FAM220A: variants seen among roughly 807,000 people sequenced by gnomAD.
The protein encoded by FAM220A is family with sequence similarity 220 member A.
For missense variants in FAM220A, 392 were observed against 321.6 expected (o/e 1.22, Z -1.68); for synonymous variants, 141 against 130.7 (o/e 1.08, Z -0.54).
rs755008777 is a variant in FAM220A at position 6,330,350 on chromosome 7, C to G, written c.*25G>C. On this transcript the variant is annotated 3_prime_UTR_variant, in exon 2 of 2. Coordinates refer to ENST00000313324, the MANE Select transcript of FAM220A (RefSeq NM_001037163.2). Reference sequence around the variant, plus strand: ...TTCTAAGACAACTCTTAAAATTAATCTATTGGTATTGTTCTGCTTGTACCT... The same window carrying G: ...TTCTAAGACAACTCTTAAAATTAATGTATTGGTATTGTTCTGCTTGTACCT... The G allele has an allele frequency of 2.5e-6, 4 of 1,575,686 alleles. No homozygotes were observed. In the South Asian group the frequency reaches 4.7e-5, roughly 19 times the overall value.
chr7:6,344,886 C>T (rs1004426750), intron 1 of FAM220A, among the ~76,000 whole-genome samples: 29 of 152,102 alleles, frequency 1.9e-4, no homozygotes, highest in African/African-American at 5.5e-4. Context: ...GGATGACAGG[C>T]GCATGCCGCC....
chr7:6,336,523 A>G (rs1781750210), intron 1 of FAM220A, among the ~76,000 whole-genome samples: 1 of 152,032 alleles, frequency 6.6e-6, no homozygotes, highest in South Asian at 2.1e-4. Context: ...TCTACTAAAA[A>G]TACAAAAATT....
intron 1 of FAM220A, among the ~76,000 whole-genome samples, chr7:6,340,831 G>A (rs1372191055): frequency 2.7e-5 from 4 of 148,858 alleles, no homozygotes; most frequent in African/African-American, 5.0e-5. Context: ...CCCGGGAGGC[G>A]GAGCTGGCAG....
intron 1 of FAM220A, among the ~76,000 whole-genome samples, chr7:6,343,047 AAG>A (rs55879790): frequency 0.27 from 38,817 of 146,224 alleles, 5,078 homozygotes; most frequent in East Asian, 0.31. Flanking sequence ...AAAAAAAAAA[AAG>A]AAAAAAGAAA....
Position 6,340,965 on chromosome 7 carries a change from TA to T in FAM220A, c.-82+7607del, listed in dbSNP as rs149288000. 1.3e-3 allele frequency among the ~76,000 whole-genome samples: 118 copies of T among 87,426 alleles called. No homozygotes were observed. In the Middle Eastern group the frequency reaches 0.026, roughly 19 times the overall value. 57.4% of individuals were successfully genotyped at this position (87,426 alleles called of 152,430 possible). On this transcript the variant is annotated intron_variant, in intron 1 of 1. Coordinates refer to ENST00000313324, the MANE Select transcript of FAM220A (RefSeq NM_001037163.2). ...TAACATGGTGAAACCCTGTCTCTAC[TA>T]AAAAAAAAAAAAAAAAAAATTCAAA...
intron 1 of FAM220A, among the ~76,000 whole-genome samples, chr7:6,335,410 G>A (rs1781725527): frequency 6.6e-6 from 1 of 151,574 alleles, no homozygotes; most frequent in Non-Finnish European, 1.5e-5. Context: ...TGTATTTTTA[G>A]TAGAGATGGT....
intron 1 of FAM220A, among the ~76,000 whole-genome samples, chr7:6,340,682 G>A (rs1015420176): frequency 2.0e-5 from 3 of 151,878 alleles, no homozygotes; most frequent in Non-Finnish European, 2.9e-5. Context: ...GGCGGATCAC[G>A]AGGTCAGGAG....
At chr7:6,334,769 A>ATAGT (rs759972291) in intron 1 of FAM220A, among the ~76,000 whole-genome samples, 2 of 146,744 alleles carry the variant, frequency 1.4e-5, no homozygotes, top group Non-Finnish European at 1.5e-5. Context: ...CCCAGCCTGG[A>ATAGT]TAGTTAGTTA....
intron 1 of FAM220A, 50 bp from the exon 2 acceptor site, chr7:6,331,285 T>C (rs1301809425): frequency 1.2e-6 from 1 of 808,012 alleles, no homozygotes; most frequent in African/African-American, 1.8e-5. Context: ...ACATGGGTCT[T>C]AAGAGCATCT....
chr7:6,333,677 T>C (rs79422521), intron 1 of FAM220A, among the ~76,000 whole-genome samples: 5,237 of 151,470 alleles, frequency 0.035, 313 homozygotes, highest in African/African-American at 0.12. Context: ...TTTTTTTTTT[T>C]CAGAGCAGGA....
rs759405736 is a variant in FAM220A, at chr7:6,330,487, T to A, written c.668A>T (p.Gln223Leu). ...AAGCATTTTCTTGAATTCTATTGTTTGCTTTGAAAACATGGGCTTTAAACG... is the reference window on the plus strand; with the variant it reads ...AAGCATTTTCTTGAATTCTATTGTTAGCTTTGAAAACATGGGCTTTAAACG... ...LDRLKPMFSK[Q>L]TIEFKKMLKS... is the part of the protein sequence containing the mutation. Residue 223 changes from glutamine to leucine, a missense_variant, in exon 2 of 2, where the codon CAA (glutamine) becomes CTA (leucine). Gln to Leu is a moderately radical substitution (Grantham distance 113). Transcript: ENST00000313324. 10 of 1,614,214 alleles carry A rather than the reference T, an allele frequency of 6.2e-6. No homozygotes were observed. Among genetic ancestry groups the A allele is most frequent in the Non-Finnish European group, 8.5e-6 (10 of 1,180,042 alleles).
rs1420423683 is a variant in FAM220A, at chr7:6,348,882, G to GGGCC, written c.-395_-392dup. 1.2e-4 allele frequency: 48 copies of GGGCC among 387,418 alleles called. 1 individual carries two copies. The South Asian group carries it at 2.0e-3, about 16-fold the overall frequency. The allele number at this position is 387,418 out of a possible 1,614,324, so 24.0% of individuals were successfully genotyped here. A position where few individuals can be genotyped will look rare whatever the true frequency, so the allele number is the denominator to read the frequency against. On this transcript the variant is annotated 5_prime_UTR_variant, in exon 1 of 2. Coordinates refer to ENST00000313324, the MANE Select transcript of FAM220A (RefSeq NM_001037163.2). ...GCGGCGGCTAGACCGGCGGGCGGGC[G>GGGCC]GGCCGCAGTGGAGCGGAGTCCGCAC...
At chr7:6,347,904 A>ATTATTG in intron 1 of FAM220A, among the ~76,000 whole-genome samples, 1 of 145,812 alleles carries the variant, frequency 6.9e-6, no homozygotes, top group African/African-American at 2.5e-5. Context: ...TATTATTATT[A>ATTATTG]TTATTATTAT....
At position 6,340,586 on chromosome 7, in the gene FAM220A, G is replaced by A. The variant is rs1011822513; in HGVS notation, c.-82+7987C>T. Among the ~76,000 whole-genome samples, 7 of 152,168 alleles carry A rather than the reference G, an allele frequency of 4.6e-5. No homozygotes were observed. In the South Asian group the frequency reaches 1.0e-3, roughly 23 times the overall value. On this transcript the variant is annotated intron_variant, in intron 1 of 1. Transcript: ENST00000313324. ...GGAATTCAGGATAACAGACTCGAAG[G>A]AGGGCAGGTTGACAATGACTTAAAA...
At chr7:6,348,082 G>A (rs1781990512) in intron 1 of FAM220A, among the ~76,000 whole-genome samples, 1 of 150,298 alleles carries the variant, frequency 6.7e-6, no homozygotes, top group African/African-American at 2.4e-5. Flanking sequence ...GGCTAATTCT[G>A]TATTTTTAGT....
At chr7:6,340,965 T>TAAAAAA (rs149288000) in intron 1 of FAM220A, among the ~76,000 whole-genome samples, 6 of 87,438 alleles carry the variant, frequency 6.9e-5, no homozygotes, top group Non-Finnish European at 2.1e-5. Flanking sequence ...CTGTCTCTAC[T>TAAAAAA]AAAAAAAAAA....
rs143027694 is a variant in FAM220A at position 6,330,624 on chromosome 7, C to T, written c.531G>A (p.Lys177=). The T allele has an allele frequency of 1.2e-4, 194 of 1,614,142 alleles. No homozygotes were observed. The African/African-American group carries it at 2.0e-3, about 17-fold the overall frequency. ...FQDDPPSAFP[K]GLGSELEPAC... ...CGGGTTCCAACTCAGAGCCCAGACC[C>T]TTGGGAAAAGCACTTGGTGGGTCAT... The change falls in exon 2 of 2, where the codon AAG becomes AAA. Residue 177 remains lysine (K), a synonymous_variant. Transcript: ENST00000313324.
intron 1 of FAM220A, among the ~76,000 whole-genome samples, chr7:6,332,350 T>C (rs536442419): frequency 1.3e-5 from 2 of 152,262 alleles, no homozygotes; most frequent in East Asian, 3.9e-4. Flanking sequence ...ATTAGTCTCA[T>C]GGAATGTACT....
At chr7:6,339,508 G>T (rs1392577965) in intron 1 of FAM220A, among the ~76,000 whole-genome samples, 1 of 151,586 alleles carries the variant, frequency 6.6e-6, no homozygotes, top group African/African-American at 2.4e-5. Flanking sequence ...TTTTGAGACG[G>T]AGTCTCGCTC....
Sources: gnomAD v4.1 joint callset for allele counts (sites outside exome capture counted in the v4.1 genomes callset) on GRCh38, gnomAD v4.1.1 for gene constraint, MANE v1.5 for transcripts, NCBI Gene and HGNC (gene_info 2026-07-23, HGNC 2026-07-21) for gene names.